The following RALYL variants were observed in gnomAD, a reference collection of about 807,000 sequenced individuals.
RALYL encodes the protein RNA-binding Raly-like protein.
RALYL carries 29 observed loss-of-function variants against 35.1 expected under a neutral mutation model. That is an observed-to-expected ratio of 0.83 (90% CI 0.61 to 1.13). The LOEUF (loss-of-function observed/expected upper bound fraction) is 1.13. RALYL is among the 50% of genes most tolerant of loss of function. The pLI is 0.00. For synonymous variants in RALYL, 120 were observed against 127.6 expected (o/e 0.94, Z 0.40); for missense variants, 359 against 360.4 (o/e 1.00, Z 0.03).
At chr8:84,899,201 C>T (rs573891962) in intron 8 of RALYL, among the ~76,000 whole-genome samples, 9 of 152,162 alleles carry the variant, frequency 5.9e-5, no homozygotes, top group Non-Finnish European at 1.3e-4. Flanking sequence ...CTGTGTCACC[C>T]ATTCCATAAA....
intron 1 of RALYL, among the ~76,000 whole-genome samples, chr8:84,368,555 T>G (rs1306987611): frequency 6.6e-6 from 1 of 152,128 alleles, no homozygotes; most frequent in Non-Finnish European, 1.5e-5. Flanking sequence ...GGACTCACAG[T>G]TCCACGTAGC....
At chr8:84,599,851 G>T (rs1386500477) in intron 2 of RALYL, among the ~76,000 whole-genome samples, 2 of 150,412 alleles carry the variant, frequency 1.3e-5, no homozygotes, top group African/African-American at 4.9e-5. Flanking sequence ...GTTCCAAAAA[G>T]AATATTTTGC....
At position 84,612,515 on chromosome 8, in the gene RALYL, T is replaced by C. The variant is rs559637341; in HGVS notation, c.256+82938T>C. 1.2e-4 allele frequency among the ~76,000 whole-genome samples: 18 copies of C among 152,126 alleles called. No homozygotes were observed. In the South Asian group the frequency reaches 3.7e-3, roughly 32 times the overall value. ...ATCTTATAAAGCTTGAGAAAGTGAC[T>C]ATGCAAAAGAAAATAGATCCAGCCT... On this transcript the variant is annotated intron_variant, in intron 2 of 8. Transcript: ENST00000521268.
At position 84,248,553 on chromosome 8, in the gene RALYL, G is replaced by A. The variant is rs139256851; in HGVS notation, c.-24+64129G>A. On this transcript the variant is annotated intron_variant, in intron 1 of 8. Coordinates refer to ENST00000521268, the MANE Select transcript of RALYL (RefSeq NM_173848.7). ...TGTTGCAAATATAGTCTGCTTTTGCGTAATCCTTAGTCATCTTGTATTCTC... is the reference window on the plus strand; with the variant it reads ...TGTTGCAAATATAGTCTGCTTTTGCATAATCCTTAGTCATCTTGTATTCTC... 1.9e-3 allele frequency among the ~76,000 whole-genome samples: 282 copies of A among 152,108 alleles called. 3 individuals carry two copies. Among genetic ancestry groups the A allele is most frequent in the African/African-American group, 6.6e-3 (272 of 41,522 alleles).
intron 1 of RALYL, among the ~76,000 whole-genome samples, chr8:84,187,135 T>A (rs1812735161): frequency 1.3e-5 from 2 of 152,254 alleles, no homozygotes; most frequent in South Asian, 4.1e-4. Flanking sequence ...AAATTGGCAT[T>A]GGATCACTAT....
intron 1 of RALYL, among the ~76,000 whole-genome samples, chr8:84,396,974 C>A (rs1463757238): frequency 6.6e-6 from 1 of 151,996 alleles, no homozygotes; most frequent in East Asian, 1.9e-4. Flanking sequence ...GTCTAAGTTA[C>A]ATGGCAATAG....
At chr8:84,404,538 A>C (rs990689858) in intron 1 of RALYL, among the ~76,000 whole-genome samples, 1 of 152,140 alleles carries the variant, frequency 6.6e-6, no homozygotes, top group African/African-American at 2.4e-5. Context: ...ATTGTGGTGG[A>C]TAAGCTTTTT....
chr8:84,730,457 C>G (rs1396310337), intron 2 of RALYL, among the ~76,000 whole-genome samples: 1 of 152,038 alleles, frequency 6.6e-6, no homozygotes, highest in Non-Finnish European at 1.5e-5. Flanking sequence ...TGGAAGCATT[C>G]CCTTTGAAAA....
chr8:84,499,672 G>T (rs919105092), intron 1 of RALYL, among the ~76,000 whole-genome samples: 1 of 151,970 alleles, frequency 6.6e-6, no homozygotes, highest in African/African-American at 2.4e-5. Flanking sequence ...CCTGTGAATT[G>T]AGAGACCTTA....
intron 8 of RALYL, among the ~76,000 whole-genome samples, chr8:84,899,421 G>A (rs1054147886): frequency 5.3e-5 from 8 of 151,980 alleles, no homozygotes; most frequent in Admixed American, 3.9e-4. Context: ...ATAAATATCT[G>A]TTAAAGAAAG....
intron 2 of RALYL, among the ~76,000 whole-genome samples, chr8:84,771,427 G>A (rs866095287): frequency 6.6e-6 from 1 of 152,002 alleles, no homozygotes; most frequent in South Asian, 2.1e-4. Flanking sequence ...GTACTTCCTG[G>A]ATCACAGAGT....
Position 84,318,220 on chromosome 8 carries a change from C to T in RALYL, c.-24+133796C>T, listed in dbSNP as rs530185265. Reference sequence around the variant, plus strand: ...TCAAGCATGGGACCCTGTGGGACTGCACAAGCTGCATGCCTGTGAGGCTGG... The same window carrying T: ...TCAAGCATGGGACCCTGTGGGACTGTACAAGCTGCATGCCTGTGAGGCTGG... On this transcript the variant is annotated intron_variant, in intron 1 of 8. Transcript: ENST00000521268. Among the ~76,000 whole-genome samples, 7 of 152,308 alleles carry T rather than the reference C, an allele frequency of 4.6e-5. No homozygotes were observed. The South Asian group carries it at 1.4e-3, about 32-fold the overall frequency.
chr8:84,469,825 G>A (rs532037547), intron 1 of RALYL, among the ~76,000 whole-genome samples: 15 of 152,234 alleles, frequency 9.9e-5, no homozygotes, highest in African/African-American at 2.9e-4. Context: ...AGCCAGGTGC[G>A]GGATATAATC....
chr8:84,676,286 A>T (rs1834180331), intron 2 of RALYL, among the ~76,000 whole-genome samples: 1 of 152,232 alleles, frequency 6.6e-6, no homozygotes, highest in African/African-American at 2.4e-5. Flanking sequence ...CTATATCAGA[A>T]ATGCAGCTTA....
chr8:84,910,111 G>T (rs1030775002), intron 8 of RALYL, among the ~76,000 whole-genome samples: 18 of 152,074 alleles, frequency 1.2e-4, no homozygotes, highest in African/African-American at 3.6e-4. Context: ...GTTATAACAT[G>T]CCCCCTTAGC....
intron 1 of RALYL, among the ~76,000 whole-genome samples, chr8:84,361,396 T>G (rs917160456): frequency 1.3e-5 from 2 of 152,098 alleles, no homozygotes; most frequent in African/African-American, 4.8e-5. Context: ...ATTTGGGAAG[T>G]GGCCCAAATG....
intron 2 of RALYL, among the ~76,000 whole-genome samples, chr8:84,732,222 T>A: frequency 6.6e-6 from 1 of 152,176 alleles, no homozygotes; most frequent in East Asian, 1.9e-4. Flanking sequence ...ACGATTTTTT[T>A]GCTCTTTTAT....
intron 8 of RALYL, chr8:84,906,856 G>A (rs1433120107): frequency 9.3e-6 from 6 of 645,960 alleles, no homozygotes; most frequent in Non-Finnish European, 1.2e-5. Flanking sequence ...GTCTCTCACC[G>A]GCACAACCAT....
At chr8:84,683,755 C>T (rs1004092021) in intron 2 of RALYL, among the ~76,000 whole-genome samples, 20 of 152,214 alleles carry the variant, frequency 1.3e-4, no homozygotes, top group Admixed American at 2.6e-4. Flanking sequence ...GGCACAATCC[C>T]GGTTCACTGC....
Sources: gnomAD v4.1 joint callset for allele counts (sites outside exome capture counted in the v4.1 genomes callset) on GRCh38, gnomAD v4.1.1 for gene constraint, MANE v1.5 for transcripts, NCBI Gene and HGNC (gene_info 2026-07-23, HGNC 2026-07-21) for gene names.